LAMA2: variants seen among roughly 807,000 people sequenced by gnomAD.
LAMA2 encodes the protein laminin subunit alpha-2.
LAMA2 carries 269 observed loss-of-function variants against 364.8 expected under a neutral mutation model. The observed-to-expected ratio is 0.74, with a 90% CI of 0.67 to 0.82. The LOEUF (loss-of-function observed/expected upper bound fraction) is 0.82, where lower values mean the gene tolerates loss of function less well. Among genes scored for constraint, LAMA2 ranks in the 40% least tolerant of loss-of-function variants. LAMA2 has a pLI of 0.00. For missense variants in LAMA2, 3,807 were observed against 3,873.2 expected (o/e 0.98, Z 0.45); for synonymous variants, 1,379 against 1,370.6 (o/e 1.01, Z -0.14).
chr6:129,303,727 A>T (rs1773687486), intron 22 of LAMA2, among the ~76,000 whole-genome samples: 1 of 152,168 alleles, frequency 6.6e-6, no homozygotes, highest in Non-Finnish European at 1.5e-5. Context: ...GATTTTCAAC[A>T]TATCAATCCA....
intron 21 of LAMA2, among the ~76,000 whole-genome samples, chr6:129,298,743 G>C (rs1029335634): frequency 3.9e-5 from 6 of 152,126 alleles, no homozygotes; most frequent in Non-Finnish European, 8.8e-5. Flanking sequence ...ACTATTTAAA[G>C]AACCAATATC....
rs868157005 is a variant in LAMA2 at position 128,886,707 on chromosome 6, A to G, written c.112+3350A>G. Among the ~76,000 whole-genome samples, 6 of 152,362 alleles carry G rather than the reference A, an allele frequency of 3.9e-5. No homozygotes were observed. The South Asian group carries it at 1.0e-3, about 26-fold the overall frequency. ...AAAGAGGGACTATTCTAAAGGCTGA[A>G]GGTGGATCCATAGAAGAACATGACA... On this transcript the variant is annotated intron_variant, in intron 1 of 64. Transcript: ENST00000421865.
intron 1 of LAMA2, among the ~76,000 whole-genome samples, chr6:129,013,201 T>C (rs1481656345): frequency 3.3e-5 from 5 of 152,110 alleles, no homozygotes; most frequent in African/African-American, 9.7e-5. Context: ...TTTGGGAGGC[T>C]GAGGCGGGCG....
intron 12 of LAMA2, among the ~76,000 whole-genome samples, chr6:129,224,228 G>T (rs1784079012): frequency 6.6e-6 from 1 of 152,146 alleles, no homozygotes; most frequent in African/African-American, 2.4e-5. Context: ...TTGCTTATCA[G>T]CTTTAGGAGA....
intron 1 of LAMA2, among the ~76,000 whole-genome samples, chr6:128,950,822 A>G (rs1288596983): frequency 2.0e-5 from 3 of 152,148 alleles, no homozygotes; most frequent in Non-Finnish European, 2.9e-5. Context: ...ATGCCCATAT[A>G]TATATTACAT....
At chr6:129,197,520 C>T (rs529998259) in intron 12 of LAMA2, among the ~76,000 whole-genome samples, 2 of 152,318 alleles carry the variant, frequency 1.3e-5, no homozygotes, top group East Asian at 3.9e-4. Flanking sequence ...TGGGCCGAAC[C>T]AATGTGTAAC....
At chr6:129,257,207 G>A (rs1379728651) in intron 14 of LAMA2, among the ~76,000 whole-genome samples, 2 of 151,492 alleles carry the variant, frequency 1.3e-5, no homozygotes, top group Non-Finnish European at 3.0e-5. Context: ...CATACTGAAG[G>A]GGAAAAAAAA....
intron 41 of LAMA2, among the ~76,000 whole-genome samples, chr6:129,432,848 A>C (rs558914915): frequency 2.0e-5 from 3 of 152,280 alleles, no homozygotes; most frequent in African/African-American, 7.2e-5. Context: ...TCTTTGCAGA[A>C]CCTGCTACCA....
chr6:128,995,347 AG>A (rs1241448800), intron 1 of LAMA2, among the ~76,000 whole-genome samples: 1 of 152,198 alleles, frequency 6.6e-6, no homozygotes, highest in Non-Finnish European at 1.5e-5. Context: ...TTTGAGACAA[AG>A]TCTCACTCTG....
intron 4 of LAMA2, among the ~76,000 whole-genome samples, chr6:129,120,493 A>C (rs1776744850): frequency 6.6e-6 from 1 of 152,216 alleles, no homozygotes; most frequent in Non-Finnish European, 1.5e-5. Context: ...TAATTATTTT[A>C]TAAATAAAAA....
intron 17 of LAMA2, among the ~76,000 whole-genome samples, chr6:129,271,029 A>G (rs919878540): frequency 2.0e-5 from 3 of 152,132 alleles, no homozygotes; most frequent in Non-Finnish European, 4.4e-5. Flanking sequence ...GAACATAAAT[A>G]TTTTATACAA....
At chr6:129,014,346 C>T (rs1244134729) in intron 1 of LAMA2, among the ~76,000 whole-genome samples, 2 of 152,142 alleles carry the variant, frequency 1.3e-5, no homozygotes, top group Non-Finnish European at 2.9e-5. Flanking sequence ...GTCCCCTCTG[C>T]GTTTATACCA....
In LAMA2 at chr6:129,440,910, G is replaced by C. The variant is rs777476613; in HGVS notation, c.6180G>C (p.Gln2060His). ...TGGCACAGATTACAGAGCTCCACCA[G>C]AACCTCGATGGCCTGAAGAAGAATT... ...DVLAQITELH[Q>H]NLDGLKKNYN... is the part of the protein sequence containing the mutation. The change falls in exon 43 of 65, where the codon CAG becomes CAC. Residue 2060 changes from glutamine to histidine, a missense_variant. This residue lies in a region of LAMA2 where 3,333 missense variants were observed against 3,345.7 expected (regional missense o/e 1.00). Coordinates refer to ENST00000421865, the MANE Select transcript of LAMA2 (RefSeq NM_000426.4). 1 of 1,613,800 alleles carries C rather than the reference G, an allele frequency of 6.2e-7. No individual in the cohort carries two copies. Among genetic ancestry groups the C allele is most frequent in the Non-Finnish European group, 8.5e-7 (1 of 1,179,880 alleles).
chr6:129,070,387 T>G (rs1367634408), intron 3 of LAMA2, among the ~76,000 whole-genome samples: 2 of 152,148 alleles, frequency 1.3e-5, no homozygotes, highest in Non-Finnish European at 2.9e-5. Context: ...AATGCTTTAA[T>G]TACTGGATAT....
intron 1 of LAMA2, among the ~76,000 whole-genome samples, chr6:128,931,703 A>T (rs1779490675): frequency 6.6e-6 from 1 of 152,030 alleles, no homozygotes; most frequent in South Asian, 2.1e-4. Flanking sequence ...ATTAAAAATT[A>T]TTTTTTCTAA....
chr6:129,022,746 G>A (rs574010025), intron 1 of LAMA2, among the ~76,000 whole-genome samples: 21 of 152,154 alleles, frequency 1.4e-4, no homozygotes, highest in African/African-American at 4.1e-4. Context: ...ACAAACCGCC[G>A]ACACAACTTT....
chr6:129,019,821 G>A (rs762574656), intron 1 of LAMA2, among the ~76,000 whole-genome samples: 7 of 152,256 alleles, frequency 4.6e-5, no homozygotes, highest in Non-Finnish European at 1.0e-4. Context: ...AGTGGCTCAC[G>A]CCTGTAATCC....
At chr6:128,991,992 A>G (rs975172074) in intron 1 of LAMA2, among the ~76,000 whole-genome samples, 1 of 152,214 alleles carries the variant, frequency 6.6e-6, no homozygotes, top group African/African-American at 2.4e-5. Context: ...ATTTTCACTT[A>G]CCTTATATTG....
At chr6:129,490,564 T>G (rs1391687249) in intron 56 of LAMA2, 1 of 152,180 alleles carries the variant, frequency 6.6e-6, no homozygotes, top group Non-Finnish European at 1.5e-5. Context: ...TATCCTTCAT[T>G]AAAACCTTAG....
Sources: gnomAD v4.1 joint callset for allele counts (sites outside exome capture counted in the v4.1 genomes callset) on GRCh38, gnomAD v4.1.1 for gene constraint, gnomAD v4.1.1 regional missense constraint, MANE v1.5 for transcripts, NCBI Gene and HGNC (gene_info 2026-07-23, HGNC 2026-07-21) for gene names.